SP3: variants seen among roughly 807,000 people sequenced by gnomAD.
SP3 encodes transcription factor Sp3.
Under a neutral mutation model 70.3 loss-of-function variants are expected in SP3, and 10 were observed. The ratio of observed to expected loss-of-function variants is 0.14; its 90% confidence interval spans 0.09 to 0.24. SP3 has a LOEUF of 0.24. Ranked by LOEUF, SP3 falls within the 10% of genes least tolerant of loss-of-function variation. The pLI is 1.00. For missense variants in SP3, 825 were observed against 914.6 expected (o/e 0.90, Z 1.26); for synonymous variants, 402 against 333.5 (o/e 1.21, Z -2.24).
At chr2:173,947,977 GCAT>G (rs1181702812) in intron 4 of SP3, among the ~76,000 whole-genome samples, 2 of 152,066 alleles carry the variant, frequency 1.3e-5, no homozygotes, top group African/African-American at 2.4e-5. Context: ...CTATTTTCCT[GCAT>G]CATCGTCTCA....
chr2:173,958,351 T>C (rs1690959516), intron 3 of SP3, among the ~76,000 whole-genome samples: 4 of 151,694 alleles, frequency 2.6e-5, no homozygotes, highest in Admixed American at 6.6e-5. Context: ...AGAAATTCCT[T>C]GAAAATAAAT....
chr2:173,940,867 T>C (rs1294533764), intron 4 of SP3, among the ~76,000 whole-genome samples: 1 of 152,182 alleles, frequency 6.6e-6, no homozygotes, highest in Non-Finnish European at 1.5e-5. Flanking sequence ...AATTATCTTA[T>C]CTTCCAATCA....
At chr2:173,960,941 ACTC>A (rs1691052367) in intron 3 of SP3, among the ~76,000 whole-genome samples, 1 of 152,166 alleles carries the variant, frequency 6.6e-6, no homozygotes, top group Non-Finnish European at 1.5e-5. Flanking sequence ...GCGCCACTGC[ACTC>A]CAGTCTGGGC....
chr2:173,943,266 G>A (rs1401499948), intron 4 of SP3, among the ~76,000 whole-genome samples: 1 of 152,126 alleles, frequency 6.6e-6, no homozygotes, highest in Non-Finnish European at 1.5e-5. Flanking sequence ...GCCCCTGACT[G>A]ATTCCAATCT....
chr2:173,914,583 C>T (rs1170204202), intron 5 of SP3: 1 of 152,186 alleles, frequency 6.6e-6, no homozygotes, highest in Non-Finnish European at 1.5e-5. Context: ...GAGAAGGCTT[C>T]GTGGAGGAGG....
chr2:173,965,062 C>T, intron 1 of SP3, 103 bp downstream of exon 1: 1 of 1,459,756 alleles, frequency 6.9e-7, no homozygotes, highest in South Asian at 1.2e-5. Context: ...CACTCGGTCG[C>T]ACACACGGGG....
chr2:173,953,769 AAAAAC>A lies in SP3; in HGVS notation c.1639+1099_1639+1103del, dbSNP rs936045695. ...TGTGACAGAGCGAGACTCCATCTCAAAAAACAAAACAAAACAAAAAAAAAAACAAC... is the reference window on the plus strand; with the variant it reads ...TGTGACAGAGCGAGACTCCATCTCAAAAAACAAAACAAAAAAAAAAACAAC... On this transcript the variant is annotated intron_variant, in intron 4 of 6. Coordinates refer to ENST00000310015, the MANE Select transcript of SP3 (RefSeq NM_003111.5). Among the ~76,000 whole-genome samples the A allele has an allele frequency of 2.4e-5, 3 of 123,378 alleles. No individual in the cohort carries two copies. In the Admixed American group the frequency reaches 2.6e-4, roughly 11 times the overall value. The allele number at this position is 123,378 out of a possible 152,430, so 80.9% of individuals were successfully genotyped here.
intron 4 of SP3, among the ~76,000 whole-genome samples, chr2:173,949,958 T>A (rs1255708472): frequency 6.6e-6 from 1 of 152,178 alleles, no homozygotes; most frequent in East Asian, 1.9e-4. Context: ...GGGGAAATTT[T>A]GACATTGGAA....
At chr2:173,918,152 A>G (rs1218511390) in intron 5 of SP3, among the ~76,000 whole-genome samples, 1 of 152,004 alleles carries the variant, frequency 6.6e-6, no homozygotes, top group Non-Finnish European at 1.5e-5. Flanking sequence ...ATACAATCCC[A>G]TTTTTTAAAA....
chr2:173,903,934 T>G lies in SP3; in HGVS notation c.*6007A>C, dbSNP rs779211277. Among the ~76,000 whole-genome samples the G allele has an allele frequency of 4.1e-5, 6 of 147,270 alleles. No homozygotes were observed. Among genetic ancestry groups the G allele is most frequent in the Non-Finnish European group, 7.4e-5 (5 of 67,304 alleles). The stretch of plus-strand genomic sequence containing the variant: ...TTGTTGGTATTTCCTAGGACGGCGG[T>G]CCCCAAACTTTTTGGCACCAGGGAC... On this transcript the variant is annotated 3_prime_UTR_variant, in exon 7 of 7. Transcript: ENST00000310015.
At chr2:173,940,113 G>A (rs1690323318) in intron 4 of SP3, among the ~76,000 whole-genome samples, 1 of 152,064 alleles carries the variant, frequency 6.6e-6, no homozygotes, top group Non-Finnish European at 1.5e-5. Flanking sequence ...CTGGCTTCAA[G>A]CAATTCTCCC....
At position 173,920,819 on chromosome 2, in the gene SP3, G is replaced by A. The variant is rs111454933; in HGVS notation, c.1640-2034C>T. On this transcript the variant is annotated intron_variant, in intron 4 of 6. Transcript: ENST00000310015. ...TTGGCCAGGCTGGTCTCGAACTCCTGACCTCAAGTGATCCACCCACCTCAG... is the reference window on the plus strand; with the variant it reads ...TTGGCCAGGCTGGTCTCGAACTCCTAACCTCAAGTGATCCACCCACCTCAG... Among the ~76,000 whole-genome samples the A allele has an allele frequency of 1.1e-3, 169 of 152,168 alleles. 3 individuals carry two copies. Among genetic ancestry groups the A allele is most frequent in the African/African-American group, 3.9e-3 (161 of 41,498 alleles).
Position 173,963,873 on chromosome 2 carries a change from G to A in SP3, c.167C>T (p.Pro56Leu), listed in dbSNP as rs374914862. The A allele has an allele frequency of 1.3e-6, 2 of 1,509,494 alleles. No homozygotes were observed. Among genetic ancestry groups the A allele is most frequent in the Admixed American group, 2.1e-5 (1 of 47,138 alleles). The allele number at this position is 1,509,494 out of a possible 1,614,324, so 93.5% of individuals were successfully genotyped here. A position where few individuals can be genotyped will look rare whatever the true frequency, so the allele number is the denominator to read the frequency against. ...AAAAAAQDTQ[P>L]SPLALLAATC... ...AGCGGCCAGCAGAGCGAGCGGTGAC[G>A]GCTGAGTGTCCTACCCCCAATGGGC... The change falls in exon 3 of 7, where the codon CCG becomes CTG. Residue 56 changes from proline to leucine, a missense_variant. Pro to Leu is a moderately conservative substitution (Grantham distance 98). This residue lies in a region of SP3 where 678 missense variants were observed against 651.6 expected (regional missense o/e 1.04). Transcript: ENST00000310015.
intron 4 of SP3, among the ~76,000 whole-genome samples, chr2:173,921,756 G>A (rs901815463): frequency 6.6e-6 from 1 of 152,152 alleles, no homozygotes; most frequent in African/African-American, 2.4e-5. Flanking sequence ...ATGTTGAAAT[G>A]CAATCCCCAA....
chr2:173,955,874 G>A lies in SP3; in HGVS notation c.638C>T (p.Thr213Ile). The A allele has an allele frequency of 6.2e-7, 1 of 1,614,202 alleles. No individual in the cohort carries two copies. Reference protein sequence around the residue: ...QIQIIPGSNQTLLASGTPSAN... With the variant: ...QIQIIPGSNQILLASGTPSAN... ...AGAAGGTGTTCCAGAGGCAAGTAAG[G>A]TTTGATTAGAGCCAGGAATGATCTG... The change falls in exon 4 of 7, where the codon ACC becomes ATC. Residue 213 changes from threonine to isoleucine, a missense_variant. Transcript: ENST00000310015.
At position 173,905,293 on chromosome 2, in the gene SP3, T is replaced by C. The variant is rs1344378513; in HGVS notation, c.*4648A>G. Among the ~76,000 whole-genome samples, 1 of 152,222 alleles carries C rather than the reference T, an allele frequency of 6.6e-6. No homozygotes were observed. Among genetic ancestry groups the C allele is most frequent in the Non-Finnish European group, 1.5e-5 (1 of 68,044 alleles). ...GGAAGGCATTGGAAGGAGGTTACCA[T>C]TTGAATCTCTACCGTTAAGTCAGGC... On this transcript the variant is annotated 3_prime_UTR_variant, in exon 7 of 7. Coordinates refer to ENST00000310015, the MANE Select transcript of SP3 (RefSeq NM_003111.5).
chr2:173,959,802 G>A (rs569230090), intron 3 of SP3, among the ~76,000 whole-genome samples: 4 of 152,288 alleles, frequency 2.6e-5, no homozygotes, highest in African/African-American at 7.2e-5. Flanking sequence ...CAACCAAGAC[G>A]AGAACTAGTA....
chr2:173,958,042 ACTAAAATCTACACTAAAGTGTGT>A (rs1282936033), intron 3 of SP3, among the ~76,000 whole-genome samples: 1 of 152,092 alleles, frequency 6.6e-6, no homozygotes, highest in Non-Finnish European at 1.5e-5. Context: ...AAATCTATAT[ACTAAAATCTACACTAAAGTGTGT>A]CTAAAATCTA....
At chr2:173,939,079 G>A (rs553670171) in intron 4 of SP3, among the ~76,000 whole-genome samples, 1 of 152,320 alleles carries the variant, frequency 6.6e-6, no homozygotes, top group Admixed American at 6.5e-5. Flanking sequence ...CAGTGCAGAG[G>A]TTGAGAAATC....
Sources: gnomAD v4.1 joint callset for allele counts (sites outside exome capture counted in the v4.1 genomes callset) on GRCh38, gnomAD v4.1.1 for gene constraint, gnomAD v4.1.1 regional missense constraint, MANE v1.5 for transcripts, NCBI Gene and HGNC (gene_info 2026-07-23, HGNC 2026-07-21) for gene names.